The following SLC24A2 variants were observed in gnomAD, a reference collection of about 807,000 sequenced individuals.
SLC24A2 encodes the protein solute carrier family 24 member 2, also known as sodium/potassium/calcium exchanger 2.
In SLC24A2, 36 loss-of-function variants were observed where a neutral mutation model predicts 62.0. The ratio of observed to expected loss-of-function variants is 0.58; its 90% CI spans 0.44 to 0.77. The LOEUF (loss-of-function observed/expected upper bound fraction) is 0.77. SLC24A2 is among the 30% of genes least tolerant of loss of function. The probability of loss-of-function intolerance (pLI) is 0.00; values close to 1 mark genes in which losing one functional copy is unlikely to be tolerated. For synonymous variants in SLC24A2, 358 were observed against 294.0 expected (o/e 1.22, Z -2.23); for missense variants, 846 against 817.9 (o/e 1.03, Z -0.42).
At chr9:20,046,912 A>T in the SLC24A2 span, among the ~76,000 whole-genome samples, 2 of 152,170 alleles carry the variant, frequency 1.3e-5, no homozygotes, top group Non-Finnish European at 2.9e-5. Flanking sequence ...AATAAGACCC[A>T]GGATTCTTTT....
the SLC24A2 span, among the ~76,000 whole-genome samples, chr9:20,200,188 CA>C: frequency 6.6e-6 from 1 of 152,018 alleles, no homozygotes; most frequent in African/African-American, 2.4e-5. Flanking sequence ...ATATTATCTC[CA>C]TTCCACAGAG....
the SLC24A2 span, among the ~76,000 whole-genome samples, chr9:20,274,766 C>T: frequency 1.3e-5 from 2 of 151,156 alleles, no homozygotes; most frequent in Non-Finnish European, 3.0e-5. Context: ...TGGACCATGG[C>T]TTCCTCATCC....
At chr9:19,903,577 G>A in the SLC24A2 span, among the ~76,000 whole-genome samples, 1 of 152,210 alleles carries the variant, frequency 6.6e-6, no homozygotes, top group Non-Finnish European at 1.5e-5. Context: ...ACTCAGGTAG[G>A]CTGCAGCAAG....
chr9:20,004,219 AC>A, the SLC24A2 span, among the ~76,000 whole-genome samples: 1 of 152,304 alleles, frequency 6.6e-6, no homozygotes. Context: ...TTGCTTCATA[AC>A]CTTTGCTTCC....
At chr9:20,077,836 G>A in the SLC24A2 span, among the ~76,000 whole-genome samples, 8 of 151,918 alleles carry the variant, frequency 5.3e-5, no homozygotes, top group Non-Finnish European at 7.4e-5. Flanking sequence ...CAGATAACCC[G>A]CGATAGTGAA....
At chr9:19,806,439 G>T in the SLC24A2 span, among the ~76,000 whole-genome samples, 1 of 152,152 alleles carries the variant, frequency 6.6e-6, no homozygotes, top group Non-Finnish European at 1.5e-5. Context: ...CATTTATATA[G>T]ACAGGTTTAG....
At chr9:20,267,284 C>A in the SLC24A2 span, among the ~76,000 whole-genome samples, 4 of 152,158 alleles carry the variant, frequency 2.6e-5, no homozygotes, top group East Asian at 3.9e-4. Flanking sequence ...CATCACCATC[C>A]CCACCCTCTA....
In SLC24A2 at chr9:19,717,856, C is replaced by T. The variant is rs188679606; in HGVS notation, c.930+68081G>A. Among the ~76,000 whole-genome samples, 392 of 152,102 alleles carry T rather than the reference C, an allele frequency of 2.6e-3. 1 individual carries two copies. The highest frequency in any genetic ancestry group is 8.9e-3 in the African/African-American group (371 of 41,470). On this transcript the variant is annotated intron_variant, in intron 2 of 10. Coordinates refer to ENST00000341998, the MANE Select transcript of SLC24A2 (RefSeq NM_020344.4). ...CATCAAATAATTAGTTCTTCAGTGA[C>T]CCCACTAAATGAAAATTCCACTAAA...
chr9:20,047,132 C>G, the SLC24A2 span, among the ~76,000 whole-genome samples: 1 of 152,072 alleles, frequency 6.6e-6, no homozygotes, highest in African/African-American at 2.4e-5. Flanking sequence ...CCTGAGGTTA[C>G]AACAGGTTAG....
the SLC24A2 span, among the ~76,000 whole-genome samples, chr9:19,802,036 TA>T: frequency 6.6e-6 from 1 of 152,208 alleles, no homozygotes; most frequent in Non-Finnish European, 1.5e-5. Context: ...CATTATGTCA[TA>T]GTAACATGAT....
At chr9:19,519,429 T>A (rs1833087174) in intron 10 of SLC24A2, among the ~76,000 whole-genome samples, 1 of 152,088 alleles carries the variant, frequency 6.6e-6, no homozygotes, top group African/African-American at 2.4e-5. Flanking sequence ...TTCTTCATAA[T>A]ATACTATAGA....
chr9:19,560,802 C>A (rs866911429), intron 7 of SLC24A2, among the ~76,000 whole-genome samples: 3 of 151,884 alleles, frequency 2.0e-5, no homozygotes, highest in African/African-American at 7.3e-5. Context: ...TAAATTGTCC[C>A]TTTTTTCCAC....
chr9:20,217,465 T>G, the SLC24A2 span, among the ~76,000 whole-genome samples: 3 of 152,016 alleles, frequency 2.0e-5, no homozygotes, highest in East Asian at 1.9e-4. Context: ...TGCTCTTCTC[T>G]GCATGTATGC....
the SLC24A2 span, among the ~76,000 whole-genome samples, chr9:20,043,968 A>C: frequency 6.6e-6 from 1 of 152,282 alleles, no homozygotes; most frequent in East Asian, 1.9e-4. Context: ...CAATGCAGCA[A>C]ATTTCATTGT....
At chr9:19,588,331 CTG>C (rs1438436936) in intron 5 of SLC24A2, among the ~76,000 whole-genome samples, 11 of 152,080 alleles carry the variant, frequency 7.2e-5, no homozygotes, top group Non-Finnish European at 2.9e-5. Flanking sequence ...GAAATGGTGT[CTG>C]TGCACAGTAG....
chr9:19,573,318 ACAGCC>A, intron 7 of SLC24A2, 28 bp downstream of exon 7: 1 of 1,398,906 alleles, frequency 7.1e-7, no homozygotes, highest in Non-Finnish European at 1.0e-6. Context: ...GTTAAGAACA[ACAGCC>A]CAGAAGAGCA....
intron 5 of SLC24A2, among the ~76,000 whole-genome samples, chr9:19,584,750 C>G (rs1368653885): frequency 1.3e-5 from 2 of 151,998 alleles, no homozygotes; most frequent in African/African-American, 2.4e-5. Flanking sequence ...ATAATTTCAT[C>G]TTAAACAAAA....
At chr9:19,979,834 C>A in the SLC24A2 span, among the ~76,000 whole-genome samples, 309 of 152,330 alleles carry the variant, frequency 2.0e-3, no homozygotes, top group Admixed American at 5.4e-3. Flanking sequence ...CTTTGTCACT[C>A]ACAACGCAAC....
the SLC24A2 span, among the ~76,000 whole-genome samples, chr9:19,833,092 T>C: frequency 9.9e-5 from 15 of 152,138 alleles, no homozygotes; most frequent in African/African-American, 3.4e-4. Context: ...TAGGAAACGA[T>C]ATTGGGAGCC....
Sources: gnomAD v4.1 joint callset for allele counts (sites outside exome capture counted in the v4.1 genomes callset) on GRCh38, gnomAD v4.1.1 for gene constraint, MANE v1.5 for transcripts, NCBI Gene and HGNC (gene_info 2026-07-23, HGNC 2026-07-21) for gene names.